PIBF1: variants seen among roughly 807,000 people sequenced by gnomAD.
PIBF1 encodes progesterone immunomodulatory binding factor 1.
Under a neutral mutation model 112.5 loss-of-function variants are expected in PIBF1, and 90 were observed. That is an observed-to-expected ratio of 0.80 (90% CI 0.67 to 0.95). The LOEUF is 0.95. PIBF1 is among the 40% of genes least tolerant of loss of function. The probability of loss-of-function intolerance (pLI) is 0.00; values close to 1 mark genes in which losing one functional copy is unlikely to be tolerated. For synonymous variants in PIBF1, 301 were observed against 288.6 expected (o/e 1.04, Z -0.44); for missense variants, 915 against 852.3 (o/e 1.07, Z -0.92).
rs540094051 is a variant in PIBF1 at position 72,828,216 on chromosome 13, T to G, written c.1097+302T>G. On this transcript the variant is annotated intron_variant, in intron 8 of 17. Coordinates refer to ENST00000326291, the MANE Select transcript of PIBF1 (RefSeq NM_006346.4). ...AGCTGATGTATCCATTAGGATAATT[T>G]GGGTTGCAAATAATGCAGAAGGGTT... Among the ~76,000 whole-genome samples, 16 of 152,112 alleles carry G rather than the reference T, an allele frequency of 1.1e-4. No individual in the cohort carries two copies. The East Asian group carries it at 3.1e-3, about 29-fold the overall frequency.
intron 13 of PIBF1, among the ~76,000 whole-genome samples, chr13:72,922,446 T>C (rs2041331452): frequency 6.6e-6 from 1 of 152,220 alleles, no homozygotes; most frequent in Non-Finnish European, 1.5e-5. Flanking sequence ...ATTTTCTAGT[T>C]ACATGTTTTG....
chr13:72,952,559 T>C (rs1387920935), intron 14 of PIBF1, among the ~76,000 whole-genome samples: 1 of 152,082 alleles, frequency 6.6e-6, no homozygotes, highest in East Asian at 1.9e-4. Flanking sequence ...ATTATTTTTC[T>C]GGTTTCTTCT....
In PIBF1 at chr13:72,901,701, C is replaced by A. The variant is rs868137685; in HGVS notation, c.1489-6830C>A. On this transcript the variant is annotated intron_variant, in intron 11 of 17. Coordinates refer to ENST00000326291, the MANE Select transcript of PIBF1 (RefSeq NM_006346.4). ...ACTCCTTCTCAAGAAAAAAAAAAAA[C>A]CAACCAGTAGATGTTGGCATGGATG... Among the ~76,000 whole-genome samples, 1,066 of 149,698 alleles carry A rather than the reference C, an allele frequency of 7.1e-3. 12 individuals carry two copies. The highest frequency in any genetic ancestry group is 0.025 in the African/African-American group (1,015 of 40,990).
intron 10 of PIBF1, among the ~76,000 whole-genome samples, chr13:72,877,900 C>T (rs1015370162): frequency 3.3e-5 from 5 of 152,016 alleles, no homozygotes; most frequent in African/African-American, 1.2e-4. Flanking sequence ...CAGGCATGCA[C>T]CACCACGCCT....
intron 10 of PIBF1, among the ~76,000 whole-genome samples, chr13:72,884,270 A>G (rs2039758040): frequency 1.3e-5 from 2 of 152,220 alleles, no homozygotes; most frequent in South Asian, 4.1e-4. Flanking sequence ...GATAGGCATC[A>G]TGCCAATTCA....
intron 14 of PIBF1, among the ~76,000 whole-genome samples, chr13:72,932,787 A>T (rs1485735546): frequency 6.6e-6 from 1 of 152,242 alleles, no homozygotes; most frequent in African/African-American, 2.4e-5. Context: ...AATGTATTTT[A>T]CTATAAATTT....
intron 14 of PIBF1, among the ~76,000 whole-genome samples, chr13:72,943,225 G>A (rs1261485182): frequency 1.3e-5 from 2 of 152,168 alleles, no homozygotes; most frequent in Non-Finnish European, 2.9e-5. Context: ...GGGGAATGAA[G>A]AGAGGGTGGT....
chr13:72,859,866 C>T (rs1210214322), intron 10 of PIBF1, among the ~76,000 whole-genome samples: 2 of 152,088 alleles, frequency 1.3e-5, no homozygotes, highest in Non-Finnish European at 2.9e-5. Flanking sequence ...AGGAATATGG[C>T]CATAACTGCA....
At chr13:72,867,646 G>A (rs1475847249) in intron 10 of PIBF1, among the ~76,000 whole-genome samples, 1 of 152,060 alleles carries the variant, frequency 6.6e-6, no homozygotes, top group Non-Finnish European at 1.5e-5. Context: ...TATTCTAATT[G>A]TTAGCAACTC....
At chr13:72,916,580 C>T (rs2041104015) in intron 12 of PIBF1, among the ~76,000 whole-genome samples, 1 of 151,384 alleles carries the variant, frequency 6.6e-6, no homozygotes, top group Non-Finnish European at 1.5e-5. Flanking sequence ...AAAAGTAAGG[C>T]CATCAATACA....
chr13:72,867,150 A>G (rs2038962517), intron 10 of PIBF1, among the ~76,000 whole-genome samples: 1 of 152,138 alleles, frequency 6.6e-6, no homozygotes, highest in Non-Finnish European at 1.5e-5. Context: ...GATCTTTCCC[A>G]TGCTGTTCTT....
rs191644690 is a variant in PIBF1, at chr13:72,881,890, A to G, written c.1323-11894A>G. 9.9e-4 allele frequency among the ~76,000 whole-genome samples: 150 copies of G among 152,244 alleles called. 1 individual carries two copies. In the South Asian group the frequency reaches 0.018, roughly 18 times the overall value. On this transcript the variant is annotated intron_variant, in intron 10 of 17. Coordinates refer to ENST00000326291, the MANE Select transcript of PIBF1 (RefSeq NM_006346.4). ...CAGAGCAGTCTACAGATTCAATGCA[A>G]TCCCTCTTAGTATACCAATGACATT... is the stretch of plus-strand genomic sequence containing the variant.
intron 5 of PIBF1, among the ~76,000 whole-genome samples, chr13:72,817,620 CAT>C (rs2036337708): frequency 6.6e-6 from 1 of 152,088 alleles, no homozygotes; most frequent in African/African-American, 2.4e-5. Context: ...GCCCACAGCA[CAT>C]GTGATACATT....
chr13:73,013,011 T>C (rs975640910), intron 17 of PIBF1, among the ~76,000 whole-genome samples: 2 of 148,760 alleles, frequency 1.3e-5, no homozygotes, highest in African/African-American at 4.9e-5. Flanking sequence ...TTAATGAAAA[T>C]ATTAGAAGGG....
intron 15 of PIBF1, among the ~76,000 whole-genome samples, chr13:72,973,050 T>G (rs1033251872): frequency 6.6e-6 from 1 of 152,236 alleles, no homozygotes; most frequent in Non-Finnish European, 1.5e-5. Context: ...ATTAATTTTA[T>G]GCCTATACTA....
intron 10 of PIBF1, among the ~76,000 whole-genome samples, chr13:72,869,081 A>G (rs892683327): frequency 6.6e-6 from 1 of 152,148 alleles, no homozygotes; most frequent in Non-Finnish European, 1.5e-5. Context: ...ATCTAGAAGT[A>G]GAAATACCAT....
chr13:73,014,027 ATCCCTTCCCT>A (rs1289444865), intron 17 of PIBF1, among the ~76,000 whole-genome samples: 4 of 151,492 alleles, frequency 2.6e-5, no homozygotes, highest in South Asian at 2.1e-4. Context: ...TCACTGTTGA[ATCCCTTCCCT>A]TCCCTTCCCT....
intron 5 of PIBF1, among the ~76,000 whole-genome samples, chr13:72,799,904 C>G (rs2035387993): frequency 6.6e-6 from 1 of 152,156 alleles, no homozygotes; most frequent in Non-Finnish European, 1.5e-5. Context: ...TTCTCTTGAA[C>G]ACAGATTCCT....
At chr13:72,926,754 A>G (rs899055090) in intron 13 of PIBF1, among the ~76,000 whole-genome samples, 1 of 152,110 alleles carries the variant, frequency 6.6e-6, no homozygotes, top group African/African-American at 2.4e-5. Context: ...TCTACCTAAA[A>G]TGCTGTTTCT....
Sources: allele counts gnomAD v4.1 joint callset (sites outside exome capture counted in the v4.1 genomes callset), GRCh38; gene constraint gnomAD v4.1.1; transcripts MANE v1.5; gene names NCBI Gene and HGNC (gene_info 2026-07-23, HGNC 2026-07-21).